Variants in FAF1 observed in about 807,000 individuals in gnomAD.
FAF1 encodes Fas associated factor 1.
A neutral mutation model predicts 92.5 loss-of-function variants in FAF1; 25 were observed. The observed-to-expected ratio is 0.27, with a 90% CI of 0.20 to 0.38. FAF1 has a LOEUF of 0.38. Among genes scored for constraint, FAF1 ranks in the 10% least tolerant of loss-of-function variants. The pLI is 1.00. For synonymous variants in FAF1, 234 were observed against 273.2 expected (o/e 0.86, Z 1.42); for missense variants, 636 against 793.3 (o/e 0.80, Z 2.38).
intron 7 of FAF1, among the ~76,000 whole-genome samples, chr1:50,695,876 T>C (rs1657183622): frequency 6.6e-6 from 1 of 151,826 alleles, no homozygotes; most frequent in Non-Finnish European, 1.5e-5. Context: ...CTTGAACTCC[T>C]GACCTCAGGT....
chr1:50,539,349 A>G (rs1648649607), intron 14 of FAF1, among the ~76,000 whole-genome samples: 1 of 152,220 alleles, frequency 6.6e-6, no homozygotes, highest in Non-Finnish European at 1.5e-5. Context: ...GCAATTCTGA[A>G]CATTTAACTT....
intron 6 of FAF1, among the ~76,000 whole-genome samples, chr1:50,709,749 C>A (rs189417758): frequency 6.6e-6 from 1 of 152,286 alleles, no homozygotes; most frequent in African/African-American, 2.4e-5. Context: ...TAGAAGTTTA[C>A]CGCTCATTCA....
chr1:50,687,458 G>A (rs185401646), intron 7 of FAF1, among the ~76,000 whole-genome samples: 2 of 152,016 alleles, frequency 1.3e-5, no homozygotes, highest in African/African-American at 4.8e-5. Context: ...ATGAAATGAT[G>A]CTCAAAACTG....
intron 14 of FAF1, among the ~76,000 whole-genome samples, chr1:50,537,309 G>A (rs1648535282): frequency 2.0e-5 from 3 of 152,130 alleles, no homozygotes; most frequent in African/African-American, 7.2e-5. Context: ...CTAACTGGAA[G>A]GCTCCATTGC....
chr1:50,514,631 G>T (rs1647185721), intron 15 of FAF1, among the ~76,000 whole-genome samples: 1 of 152,202 alleles, frequency 6.6e-6, no homozygotes, highest in Non-Finnish European at 1.5e-5. Flanking sequence ...TCCTAACTGA[G>T]ATTGTCTTGC....
At chr1:50,622,855 G>C (rs1435088787) in intron 8 of FAF1, among the ~76,000 whole-genome samples, 1 of 152,120 alleles carries the variant, frequency 6.6e-6, no homozygotes, top group African/African-American at 2.4e-5. Flanking sequence ...GTGCACACCA[G>C]GAAGCAGTGG....
chr1:50,565,458 A>G (rs1247617207), intron 13 of FAF1, among the ~76,000 whole-genome samples: 1 of 152,098 alleles, frequency 6.6e-6, no homozygotes, highest in Non-Finnish European at 1.5e-5. Context: ...TGTTTTTAAA[A>G]AAGTGTCATA....
intron 2 of FAF1, among the ~76,000 whole-genome samples, chr1:50,833,202 G>C (rs1644170372): frequency 6.6e-6 from 1 of 152,060 alleles, no homozygotes; most frequent in African/African-American, 2.4e-5. Context: ...GCAAGTATTA[G>C]GTCCCCTGGT....
intron 1 of FAF1, among the ~76,000 whole-genome samples, chr1:50,871,442 C>T (rs1644527464): frequency 6.6e-6 from 1 of 152,234 alleles, no homozygotes; most frequent in Non-Finnish European, 1.5e-5. Context: ...GGCAGGCTGA[C>T]TTTCTCATTA....
At chr1:50,746,084 A>AT (rs1449269021) in intron 4 of FAF1, among the ~76,000 whole-genome samples, 1 of 151,446 alleles carries the variant, frequency 6.6e-6, no homozygotes, top group Non-Finnish European at 1.5e-5. Context: ...ACCTGGTGGC[A>AT]TTGTGCCCCT....
chr1:50,712,539 C>A (rs567488135), intron 6 of FAF1, among the ~76,000 whole-genome samples: 164 of 152,150 alleles, frequency 1.1e-3, no homozygotes, highest in African/African-American at 3.8e-3. Flanking sequence ...GCCTCTAATC[C>A]CAGCTACTCG....
At chr1:50,941,100 T>C (rs1645129030) in intron 1 of FAF1, among the ~76,000 whole-genome samples, 1 of 151,812 alleles carries the variant, frequency 6.6e-6, no homozygotes, top group Non-Finnish European at 1.5e-5. Flanking sequence ...GGCACAATCT[T>C]GACTCGCTGC....
chr1:50,509,412 G>A (rs1305601098), intron 15 of FAF1, among the ~76,000 whole-genome samples: 1 of 151,688 alleles, frequency 6.6e-6, no homozygotes, highest in Non-Finnish European at 1.5e-5. Context: ...AGGAGTTCCA[G>A]AACAGCCTAG....
chr1:50,873,325 A>G (rs1644543905), intron 1 of FAF1, among the ~76,000 whole-genome samples: 1 of 152,196 alleles, frequency 6.6e-6, no homozygotes, highest in Non-Finnish European at 1.5e-5. Context: ...AGCCTAAAAT[A>G]GTTCTCACTT....
intron 6 of FAF1, among the ~76,000 whole-genome samples, chr1:50,731,463 A>C (rs2781796): frequency 6.6e-5 from 10 of 151,006 alleles, no homozygotes; most frequent in Admixed American, 5.9e-4. Flanking sequence ...TCTGCCTCCC[A>C]GGTTCACGCC....
At chr1:50,591,092 A>G (rs912399672) in intron 9 of FAF1, among the ~76,000 whole-genome samples, 1 of 152,006 alleles carries the variant, frequency 6.6e-6, no homozygotes, top group South Asian at 2.1e-4. Flanking sequence ...TGAGTTTTTC[A>G]GATATGTCTT....
chr1:50,755,929 C>T (rs2124518107), intron 4 of FAF1, among the ~76,000 whole-genome samples: 1 of 152,284 alleles, frequency 6.6e-6, no homozygotes, highest in African/African-American at 2.4e-5. Flanking sequence ...CACAGGGACC[C>T]TGGGTCCAGC....
chr1:50,681,616 T>C (rs1656424579), intron 7 of FAF1, among the ~76,000 whole-genome samples: 2 of 151,734 alleles, frequency 1.3e-5, no homozygotes, highest in South Asian at 2.1e-4. Context: ...CAAATGATTC[T>C]CCTGCCTCAA....
At chr1:50,922,978 G>T (rs1433686204) in intron 1 of FAF1, among the ~76,000 whole-genome samples, 1 of 151,926 alleles carries the variant, frequency 6.6e-6, no homozygotes, top group African/African-American at 2.4e-5. Context: ...ATCATTGCAG[G>T]ATATTATGAA....
Sources: allele counts gnomAD v4.1 joint callset (sites outside exome capture counted in the v4.1 genomes callset), GRCh38; gene constraint gnomAD v4.1.1; transcripts MANE v1.5; gene names NCBI Gene and HGNC (gene_info 2026-07-23, HGNC 2026-07-21).